Variants in MCOLN3 observed in about 807,000 individuals in gnomAD.
MCOLN3 encodes the protein mucolipin TRP cation channel 3, also known as mucolipin-3.
A neutral mutation model predicts 69.4 loss-of-function variants in MCOLN3; 62 were observed. The ratio of observed to expected loss-of-function variants is 0.89; its 90% CI spans 0.73 to 1.10. MCOLN3 has a LOEUF of 1.10. MCOLN3 is among the 50% of genes least tolerant of loss of function. The pLI is 0.00. For synonymous variants in MCOLN3, 183 were observed against 217.0 expected (o/e 0.84, Z 1.38); for missense variants, 564 against 656.4 (o/e 0.86, Z 1.54).
intron 3 of MCOLN3, 108 bp downstream of exon 3, chr1:85,040,902 G>T: frequency 9.6e-7 from 1 of 1,042,618 alleles, no homozygotes; most frequent in Non-Finnish European, 1.4e-6. Flanking sequence ...TTTCCAAGCA[G>T]AAATGTTCAC....
At chr1:85,041,685 C>T (rs1259139417) in intron 2 of MCOLN3, among the ~76,000 whole-genome samples, 3 of 151,998 alleles carry the variant, frequency 2.0e-5, no homozygotes, top group Non-Finnish European at 4.4e-5. Context: ...GCCTGACCAA[C>T]ATGGTGAAAC....
In MCOLN3 at chr1:85,026,171, C is replaced by T. The variant is rs1392360853; in HGVS notation, c.945+1G>A. 23 of 1,613,684 alleles carry T rather than the reference C, an allele frequency of 1.4e-5. No homozygotes were observed. Among genetic ancestry groups the T allele is most frequent in the Non-Finnish European group, 1.9e-5 (22 of 1,179,728 alleles). On this transcript the variant is annotated splice_donor_variant, in intron 8 of 12. Coordinates refer to ENST00000370589, the MANE Select transcript of MCOLN3 (RefSeq NM_018298.11). LOFTEE classifies it high-confidence loss of function. Reference sequence around the variant, plus strand: ...CATTCCTAGAAAGCAACGTTCCCTACCTGCTGAAGCTGAAGTCCTCTAATC... The same window carrying T: ...CATTCCTAGAAAGCAACGTTCCCTATCTGCTGAAGCTGAAGTCCTCTAATC...
intron 12 of MCOLN3, among the ~76,000 whole-genome samples, chr1:85,019,615 G>T (rs1471646544): frequency 2.6e-5 from 4 of 152,216 alleles, no homozygotes; most frequent in African/African-American, 9.7e-5. Flanking sequence ...TTCCAGACCA[G>T]TGTGATGCAG....
chr1:85,038,100 T>G lies in MCOLN3; in HGVS notation c.396+2910A>C, dbSNP rs184010654. On this transcript the variant is annotated intron_variant, in intron 3 of 12. Transcript: ENST00000370589. ...AGAATAAATGATTCCCGGAAGACCC[T>G]GAGGCCTTTCAACCTAAGCCAGAAG... is the stretch of plus-strand genomic sequence containing the variant. Among the ~76,000 whole-genome samples, 34 of 152,278 alleles carry G rather than the reference T, an allele frequency of 2.2e-4. No individual in the cohort carries two copies. In the East Asian group the frequency reaches 6.0e-3, roughly 27 times the overall value.
At chr1:85,039,768 A>G (rs1652970272) in intron 3 of MCOLN3, among the ~76,000 whole-genome samples, 2 of 152,042 alleles carry the variant, frequency 1.3e-5, no homozygotes, top group African/African-American at 2.4e-5. Flanking sequence ...CAACATAGGG[A>G]GACCCTGTCT....
intron 7 of MCOLN3, among the ~76,000 whole-genome samples, chr1:85,028,668 G>A (rs1311078209): frequency 1.3e-5 from 2 of 152,144 alleles, no homozygotes; most frequent in African/African-American, 4.8e-5. Flanking sequence ...GTGGGATGCT[G>A]CAGGGTCACA....
At chr1:85,031,269 CAA>C (rs60048551) in intron 6 of MCOLN3, among the ~76,000 whole-genome samples, 140 of 97,538 alleles carry the variant, frequency 1.4e-3, no homozygotes, top group East Asian at 2.0e-3. Context: ...GAATCCATCT[CAA>C]AAAAAAAAAA....
Position 85,029,090 on chromosome 1 carries a change from A to C in MCOLN3, c.832+16T>G. ...TTTAATAACCATTCTGAAAACTAGT[A>C]ATGCGCATCACTTACTTGATCCAGA... is the stretch of plus-strand genomic sequence containing the variant. On this transcript the variant is annotated intron_variant, in intron 7 of 12. Coordinates refer to ENST00000370589, the MANE Select transcript of MCOLN3 (RefSeq NM_018298.11). 3 of 1,419,784 alleles carry C rather than the reference A, an allele frequency of 2.1e-6. No individual in the cohort carries two copies. The highest frequency in any genetic ancestry group is 3.0e-6 in the Non-Finnish European group (3 of 1,005,020). The allele number at this position is 1,419,784 out of a possible 1,614,324, so 87.9% of individuals were successfully genotyped here.
rs369785057 is a variant in MCOLN3 at position 85,038,952 on chromosome 1, G to A, written c.396+2058C>T. On this transcript the variant is annotated intron_variant, in intron 3 of 12. Coordinates refer to ENST00000370589, the MANE Select transcript of MCOLN3 (RefSeq NM_018298.11). ...AGAGGTTGCAGTGAGCCAAGATTGC[G>A]CCACTGCACTTCAGCCTGGGTGACA... Among the ~76,000 whole-genome samples the A allele has an allele frequency of 2.3e-3, 347 of 152,146 alleles. 1 individual carries two copies. Among genetic ancestry groups the A allele is most frequent in the African/African-American group, 8.1e-3 (335 of 41,480 alleles).
At chr1:85,020,178 GAC>G (rs1237093385) in intron 12 of MCOLN3, among the ~76,000 whole-genome samples, 1 of 152,174 alleles carries the variant, frequency 6.6e-6, no homozygotes, top group Non-Finnish European at 1.5e-5. Flanking sequence ...TGATCCTAAG[GAC>G]ACATCTGCTA....
At chr1:85,048,027 C>A (rs1653465067) in intron 1 of MCOLN3, among the ~76,000 whole-genome samples, 1 of 152,248 alleles carries the variant, frequency 6.6e-6, no homozygotes, top group Admixed American at 6.5e-5. Flanking sequence ...GAGCCCCGGC[C>A]GGCATCCAAG....
chr1:85,042,220 A>C (rs1653107307), intron 2 of MCOLN3, among the ~76,000 whole-genome samples: 1 of 152,222 alleles, frequency 6.6e-6, no homozygotes, highest in South Asian at 2.1e-4. Context: ...TAGTTTTTTC[A>C]AGTCACATCA....
At chr1:85,026,513 T>C (rs1652225839) in intron 7 of MCOLN3, among the ~76,000 whole-genome samples, 1 of 152,054 alleles carries the variant, frequency 6.6e-6, no homozygotes, top group South Asian at 2.1e-4. Context: ...TCCCAGCACT[T>C]TGGGAGGCCG....
At chr1:85,035,000 T>C (rs577064057) in intron 3 of MCOLN3, among the ~76,000 whole-genome samples, 3 of 152,304 alleles carry the variant, frequency 2.0e-5, no homozygotes, top group African/African-American at 7.2e-5. Flanking sequence ...AAGCATGCTA[T>C]GACAAATGAA....
At chr1:85,021,370 G>T in intron 11 of MCOLN3, 94 bp from the exon 12 acceptor site, 2 of 1,000,970 alleles carry the variant, frequency 2.0e-6, no homozygotes, top group South Asian at 1.6e-5. Flanking sequence ...AAAGGGACCA[G>T]ATAACCCAAG....
chr1:85,040,008 C>G (rs1216057076), intron 3 of MCOLN3, among the ~76,000 whole-genome samples: 1 of 151,948 alleles, frequency 6.6e-6, no homozygotes, highest in Admixed American at 6.5e-5. Flanking sequence ...CTCCCCGCCA[C>G]CCCTCGAAAA....
intron 2 of MCOLN3, among the ~76,000 whole-genome samples, 168 bp downstream of exon 2, chr1:85,044,965 C>G (rs1302516834): frequency 6.6e-6 from 1 of 152,046 alleles, no homozygotes; most frequent in Non-Finnish European, 1.5e-5. Context: ...AAGACAAACT[C>G]TTTCACAAAT....
Position 85,048,395 on chromosome 1 carries a change from C to T in MCOLN3, c.-3+1G>A, listed in dbSNP as rs1305774540. 1 of 151,972 alleles carries T rather than the reference C, an allele frequency of 6.6e-6. No homozygotes were observed. Among genetic ancestry groups the T allele is most frequent in the Non-Finnish European group, 1.5e-5 (1 of 67,992 alleles). The allele number at this position is 151,972 out of a possible 1,614,324, so 9.4% of individuals were successfully genotyped here. ...CCCGGGGCAGCGCCCCGCGGGCTCA[C>T]CTGGGGGACAGCGGGGAGCGGCCGC... On this transcript the variant is annotated splice_donor_variant, in intron 1 of 12. Transcript: ENST00000370589. LOFTEE classifies it low-confidence loss of function (5UTR_SPLICE).
chr1:85,029,930 A>G (rs1652419086), intron 6 of MCOLN3: 1 of 152,252 alleles, frequency 6.6e-6, no homozygotes, highest in African/African-American at 2.4e-5. Context: ...CCTGAAGAAA[A>G]AAAGTTCTTT....
Sources: gnomAD v4.1 joint callset for allele counts (sites outside exome capture counted in the v4.1 genomes callset) on GRCh38, gnomAD v4.1.1 for gene constraint, MANE v1.5 for transcripts, NCBI Gene and HGNC (gene_info 2026-07-23, HGNC 2026-07-21) for gene names.